WRNIP1: variants seen among roughly 807,000 people sequenced by gnomAD.
WRNIP1 encodes ATPase WRNIP1.
WRNIP1 carries 41 observed loss-of-function variants against 56.1 expected under a neutral mutation model. The observed-to-expected ratio is 0.73, with a 90% CI of 0.57 to 0.95. The LOEUF (loss-of-function observed/expected upper bound fraction) is 0.95, where lower values mean the gene tolerates loss of function less well. Ranked by LOEUF, WRNIP1 falls within the 40% of genes least tolerant of loss-of-function variation. The pLI is 0.00. For missense variants in WRNIP1, 1,170 were observed against 939.4 expected, an observed-to-expected ratio of 1.25 and a Z score of -3.21; for synonymous variants, 547 against 398.1, an observed-to-expected ratio of 1.37 and a Z score of -4.45.
rs747299780 is a variant in WRNIP1, at chr6:2,765,652, C to T, written c.30C>T (p.Pro10=). 60 of 1,546,326 alleles carry T rather than the reference C, an allele frequency of 3.9e-5. 1 individual carries two copies. Among genetic ancestry groups the T allele is most frequent in the South Asian group, 2.6e-4 (23 of 87,400 alleles). MEVSGPEDD[P]FLSQLHQVQC... Reference sequence around the variant, plus strand: ...AGGTGAGCGGGCCGGAAGACGACCCCTTCCTTTCGCAGCTGCACCAGGTGC... The same window carrying T: ...AGGTGAGCGGGCCGGAAGACGACCCTTTCCTTTCGCAGCTGCACCAGGTGC... The change falls in exon 1 of 7, where the codon CCC becomes CCT. Residue 10 remains proline (P), a synonymous_variant. Coordinates refer to ENST00000380773, the MANE Select transcript of WRNIP1 (RefSeq NM_020135.3).
Position 2,766,634 on chromosome 6 carries a change from A to C in WRNIP1, c.822+190A>C, listed in dbSNP as rs144730813. On this transcript the variant is annotated intron_variant, in intron 1 of 6. Transcript: ENST00000380773. Reference sequence around the variant, plus strand: ...AGTCTGTGATGGGTGTGAAAAGGGCACACACCCCCAGATTGGTAAGGCAGG... The same window carrying C: ...AGTCTGTGATGGGTGTGAAAAGGGCCCACACCCCCAGATTGGTAAGGCAGG... Among the ~76,000 whole-genome samples, 142 of 152,236 alleles carry C rather than the reference A, an allele frequency of 9.3e-4. 3 individuals carry two copies. In the East Asian group the frequency reaches 0.025, roughly 27 times the overall value.
At chr6:2,777,931 G>A (rs73717611) in intron 3 of WRNIP1, among the ~76,000 whole-genome samples, 3,702 of 152,294 alleles carry the variant, frequency 0.024, 155 homozygotes, top group African/African-American at 0.084. Flanking sequence ...TTGTTGTAAA[G>A]CTGGGGCTGG....
At chr6:2,783,634 C>CTTTT (rs398000193) in intron 5 of WRNIP1, 73 bp downstream of exon 5, 24,037 of 39,400 alleles carry the variant, frequency 0.61, 10,255 homozygotes, top group East Asian at 0.76. Flanking sequence ...TACATCGTGG[C>CTTTT]TTTTTTTTTT....
intron 4 of WRNIP1, 110 bp from the exon 5 acceptor site, chr6:2,783,296 C>G (rs2113484514): frequency 1.6e-6 from 2 of 1,259,528 alleles, no homozygotes; most frequent in East Asian, 5.6e-5. Flanking sequence ...CCTCGGCTTT[C>G]TCAGGGCCTT....
chr6:2,766,027 G>C lies in WRNIP1; in HGVS notation c.405G>C (p.Gly135=), dbSNP rs1764946548. Residue 135 remains glycine, a synonymous_variant, in exon 1 of 7, where the codon GGG becomes GGC. Coordinates refer to ENST00000380773, the MANE Select transcript of WRNIP1 (RefSeq NM_020135.3). ...CGGTGGCCCGCTCCAGCAGCCCCGGGAGGAAGGGGTCGGGGAAGAGGCCGG... is the reference window on the plus strand; with the variant it reads ...CGGTGGCCCGCTCCAGCAGCCCCGGCAGGAAGGGGTCGGGGAAGAGGCCGG... The part of the protein sequence containing the change: ...DFPVARSSSP[G]RKGSGKRPAA... The C allele has an allele frequency of 7.6e-7, 1 of 1,321,262 alleles. No homozygotes were observed. Among genetic ancestry groups the C allele is most frequent in the Non-Finnish European group, 9.6e-7 (1 of 1,037,952 alleles). The allele number at this position is 1,321,262 out of a possible 1,614,324, so 81.8% of individuals were successfully genotyped here. A position where few individuals can be genotyped will look rare whatever the true frequency, so the allele number is the denominator to read the frequency against.
intron 4 of WRNIP1, among the ~76,000 whole-genome samples, chr6:2,781,740 A>C (rs978302468): frequency 6.6e-6 from 1 of 152,272 alleles, no homozygotes; most frequent in Non-Finnish European, 1.5e-5. Flanking sequence ...CAAACATGGA[A>C]GGTAGCATAG....
At chr6:2,769,504 A>T (rs1471701468) in intron 2 of WRNIP1, among the ~76,000 whole-genome samples, 4 of 151,786 alleles carry the variant, frequency 2.6e-5, no homozygotes, top group East Asian at 1.9e-4. Context: ...ACTTTAAAAA[A>T]TTTTTTTTTG....
Position 2,765,712 on chromosome 6 carries a change from G to T in WRNIP1, c.90G>T (p.Ala30=). Residue 30 remains alanine (A), a synonymous_variant, in exon 1 of 7, where the codon GCG becomes GCT. Coordinates refer to ENST00000380773, the MANE Select transcript of WRNIP1 (RefSeq NM_020135.3). ...TGTGCCAGCAGATGATGCCCGCCGC[G>T]CACATCAACTCGCACCTGGACCGCT... ...CPVCQQMMPA[A]HINSHLDRCL... 2 of 1,544,986 alleles carry T rather than the reference G, an allele frequency of 1.3e-6. No homozygotes were observed. Among genetic ancestry groups the T allele is most frequent in the Middle Eastern group, 2.0e-4 (1 of 5,016 alleles).
At position 2,785,197 on chromosome 6, in the gene WRNIP1, A is replaced by G. The variant is rs552633454; in HGVS notation, c.1913A>G (p.Asn638Ser). 1.9e-6 allele frequency: 3 copies of G among 1,614,140 alleles called. No homozygotes were observed. Among genetic ancestry groups the G allele is most frequent in the Non-Finnish European group, 1.7e-6 (2 of 1,180,022 alleles). ...DLGYGKGYKY[N>S]PMYSEPVDQE... ...GGCTATGGCAAAGGCTACAAGTACA[A>G]CCCCATGTACAGCGAGCCTGTGGAT... The change falls in exon 7 of 7, where the codon AAC becomes AGC. Residue 638 changes from asparagine to serine, a missense_variant. Transcript: ENST00000380773.
rs750142266 is a variant in WRNIP1 at position 2,766,358 on chromosome 6, G to C, written c.736G>C (p.Val246Leu). The change falls in exon 1 of 7, where the codon GTG becomes CTG. Residue 246 changes from valine to leucine, a missense_variant. Physicochemically the swap from Val to Leu is conservative, Grantham distance 32. Transcript: ENST00000380773. ...GGATTACTTCGGGCAGAGCAAGGCCGTGGGCCAGGATACCCTGCTGCGCTC... is the reference window on the plus strand; with the variant it reads ...GGATTACTTCGGGCAGAGCAAGGCCCTGGGCCAGGATACCCTGCTGCGCTC... The part of the protein sequence containing the change: ...LQDYFGQSKA[V>L]GQDTLLRSLL... 5.0e-6 allele frequency: 8 copies of C among 1,610,070 alleles called. No individual in the cohort carries two copies. The highest frequency in any genetic ancestry group is 1.7e-4 in the Middle Eastern group (1 of 6,042).
rs969387387 is a variant in WRNIP1 at position 2,765,826 on chromosome 6, C to T, written c.204C>T (p.Gly68=). The T allele has an allele frequency of 1.2e-5, 17 of 1,361,230 alleles. No homozygotes were observed. The highest frequency in any genetic ancestry group is 9.2e-5 in the African/African-American group (6 of 65,510). 84.3% of individuals were successfully genotyped at this position (1,361,230 alleles called of 1,614,324 possible). The change falls in exon 1 of 7, where the codon GGC becomes GGT. Residue 68 remains glycine, a synonymous_variant. Transcript: ENST00000380773. ...GERAKGPSPP[G]AKRRRLSESS... Reference sequence around the variant, plus strand: ...GGGCCAAGGGGCCCTCGCCGCCCGGCGCCAAGAGGCGGCGGCTGTCGGAGA... The same window carrying T: ...GGGCCAAGGGGCCCTCGCCGCCCGGTGCCAAGAGGCGGCGGCTGTCGGAGA...
At chr6:2,781,152 G>A (rs1051962175) in intron 4 of WRNIP1, among the ~76,000 whole-genome samples, 1 of 152,210 alleles carries the variant, frequency 6.6e-6, no homozygotes, top group Non-Finnish European at 1.5e-5. Flanking sequence ...ACCCGTCCAT[G>A]CACATACAGA....
rs762433203 is a variant in WRNIP1 at position 2,779,224 on chromosome 6, G to T, written c.1257-39G>T. 15 of 1,600,150 alleles carry T rather than the reference G, an allele frequency of 9.4e-6. No individual in the cohort carries two copies. The South Asian group carries it at 1.4e-4, about 15-fold the overall frequency. On this transcript the variant is annotated intron_variant, in intron 3 of 6. Transcript: ENST00000380773. ...ACATGTGCAGAACAAGAAGTATGCAGCCTGAGTGTGACCGTAACTAACCCT... is the reference window on the plus strand; with the variant it reads ...ACATGTGCAGAACAAGAAGTATGCATCCTGAGTGTGACCGTAACTAACCCT...
chr6:2,780,945 C>T (rs1169648936), intron 4 of WRNIP1, among the ~76,000 whole-genome samples: 4 of 152,158 alleles, frequency 2.6e-5, no homozygotes, highest in African/African-American at 9.7e-5. Flanking sequence ...TTTTTAAATT[C>T]TCAAAATTGC....
Position 2,784,414 on chromosome 6 carries a change from C to G in WRNIP1, c.1722+11C>G. ...ATGCCTGAATGTGAGGTAAAGTAAT[C>G]AGCTCATTTCTTGCAAATCACTTCT... is the stretch of plus-strand genomic sequence containing the variant. On this transcript the variant is annotated intron_variant, in intron 6 of 6. Transcript: ENST00000380773. The G allele has an allele frequency of 6.2e-7, 1 of 1,613,196 alleles. No homozygotes were observed. Among genetic ancestry groups the G allele is most frequent in the Non-Finnish European group, 8.5e-7 (1 of 1,179,264 alleles).
chr6:2,783,900 A>G (rs1446951381), intron 5 of WRNIP1, among the ~76,000 whole-genome samples: 1 of 152,150 alleles, frequency 6.6e-6, no homozygotes, highest in Admixed American at 6.5e-5. Context: ...CAGGTGTTCA[A>G]GGTTTTCTTT....
chr6:2,766,567 C>T (rs1365824964), intron 1 of WRNIP1, 123 bp downstream of exon 1: 1 of 1,389,030 alleles, frequency 7.2e-7, no homozygotes, highest in East Asian at 2.6e-5. Context: ...TAAGGGGGTG[C>T]AGACTTGGGC....
intron 3 of WRNIP1, chr6:2,772,858 G>A (rs890158390): frequency 1.2e-5 from 8 of 663,308 alleles, no homozygotes; most frequent in African/African-American, 2.0e-5. Context: ...ACATCCTTGT[G>A]CATATAAATC....
chr6:2,769,506 T>G (rs1036691787), intron 2 of WRNIP1, among the ~76,000 whole-genome samples: 3 of 151,952 alleles, frequency 2.0e-5, no homozygotes, highest in Non-Finnish European at 4.4e-5. Flanking sequence ...TTTAAAAAAT[T>G]TTTTTTTGTA....
Sources: allele counts gnomAD v4.1 joint callset (sites outside exome capture counted in the v4.1 genomes callset), GRCh38; gene constraint gnomAD v4.1.1; transcripts MANE v1.5; gene names NCBI Gene and HGNC (gene_info 2026-07-23, HGNC 2026-07-21).